LRBA: variants seen among roughly 807,000 people sequenced by gnomAD.
The protein encoded by LRBA is LPS responsive beige-like anchor protein.
A neutral mutation model predicts 330.0 loss-of-function variants in LRBA; 176 were observed. The observed-to-expected ratio is 0.53, with a 90% CI of 0.47 to 0.60. LRBA has a LOEUF of 0.60. Among genes scored for constraint, LRBA ranks in the 20% least tolerant of loss-of-function variants. The probability of loss-of-function intolerance (pLI) is 0.00; values close to 1 mark genes in which losing one functional copy is unlikely to be tolerated. For missense variants in LRBA, 3,259 were observed against 3,444.8 expected, an observed-to-expected ratio of 0.95 and a Z score of 1.35; for synonymous variants, 1,230 against 1,193.0, an observed-to-expected ratio of 1.03 and a Z score of -0.64.
At chr4:150,665,521 T>C (rs1781486866) in intron 37 of LRBA, among the ~76,000 whole-genome samples, 1 of 151,946 alleles carries the variant, frequency 6.6e-6, no homozygotes, top group East Asian at 1.9e-4. Flanking sequence ...ACAGAACAGC[T>C]CCATCATGCC....
intron 40 of LRBA, among the ~76,000 whole-genome samples, chr4:150,555,008 T>A (rs897197513): frequency 2.0e-5 from 3 of 152,164 alleles, no homozygotes; most frequent in Non-Finnish European, 4.4e-5. Context: ...AAGGATACGA[T>A]AGTTGTAAGG....
intron 40 of LRBA, among the ~76,000 whole-genome samples, chr4:150,534,503 G>A (rs947508177): frequency 2.0e-5 from 3 of 151,712 alleles, no homozygotes; most frequent in African/African-American, 7.2e-5. Flanking sequence ...GTCATGTTAG[G>A]CATGAATTAC....
intron 35 of LRBA, among the ~76,000 whole-genome samples, chr4:150,736,465 T>C (rs1267912601): frequency 2.6e-5 from 4 of 151,696 alleles, no homozygotes; most frequent in South Asian, 2.1e-4. Context: ...AATAAATAAA[T>C]ATAAAAATAG....
intron 48 of LRBA, among the ~76,000 whole-genome samples, chr4:150,331,236 T>C (rs1044323657): frequency 6.6e-6 from 1 of 152,094 alleles, no homozygotes; most frequent in Non-Finnish European, 1.5e-5. Context: ...CAGCCCTCTA[T>C]ATAGAGCAAT....
At chr4:150,576,688 T>C (rs1770587402) in intron 40 of LRBA, among the ~76,000 whole-genome samples, 1 of 151,896 alleles carries the variant, frequency 6.6e-6, no homozygotes, top group African/African-American at 2.4e-5. Context: ...AGAATTATAT[T>C]TGTAAAGTCT....
chr4:150,608,932 T>C (rs1160212269), intron 37 of LRBA, among the ~76,000 whole-genome samples: 1 of 152,252 alleles, frequency 6.6e-6, no homozygotes, highest in Non-Finnish European at 1.5e-5. Context: ...CACATATTGG[T>C]AGCTCATTCT....
intron 40 of LRBA, among the ~76,000 whole-genome samples, chr4:150,546,383 T>C (rs1765863629): frequency 1.3e-5 from 2 of 152,236 alleles, no homozygotes; most frequent in Non-Finnish European, 2.9e-5. Context: ...TGGATTTTTA[T>C]TAGCGCTGCC....
At chr4:150,818,571 C>T (rs546700010) in intron 30 of LRBA, among the ~76,000 whole-genome samples, 8 of 102,594 alleles carry the variant, frequency 7.8e-5, no homozygotes, top group Non-Finnish European at 1.7e-4. Flanking sequence ...TGTGCGTGCA[C>T]GAATGTGTGT....
intron 36 of LRBA, among the ~76,000 whole-genome samples, chr4:150,730,893 C>T (rs1730364910): frequency 6.6e-6 from 1 of 151,692 alleles, no homozygotes; most frequent in Non-Finnish European, 1.5e-5. Flanking sequence ...TGGCACAGGC[C>T]TGTAATCCCA....
At chr4:150,640,853 T>C (rs1778607397) in intron 37 of LRBA, among the ~76,000 whole-genome samples, 1 of 152,194 alleles carries the variant, frequency 6.6e-6, no homozygotes, top group South Asian at 2.1e-4. Flanking sequence ...CCTACTATCC[T>C]ACAGAAAAAT....
chr4:150,517,726 A>T (rs998038140), intron 40 of LRBA, among the ~76,000 whole-genome samples: 1 of 152,184 alleles, frequency 6.6e-6, no homozygotes, highest in African/African-American at 2.4e-5. Flanking sequence ...CATTATTTCT[A>T]AATTTTTTTC....
At chr4:150,448,362 C>T (rs1414328209) in intron 44 of LRBA, among the ~76,000 whole-genome samples, 2 of 152,148 alleles carry the variant, frequency 1.3e-5, no homozygotes, top group African/African-American at 4.8e-5. Flanking sequence ...AAGTTGATAA[C>T]CATTTTTGTA....
chr4:150,613,585 G>A (rs1264242227), intron 37 of LRBA, among the ~76,000 whole-genome samples: 2 of 152,212 alleles, frequency 1.3e-5, no homozygotes, highest in African/African-American at 2.4e-5. Flanking sequence ...AATCATTTTA[G>A]GAGTCTGGCT....
chr4:150,589,533 A>C (rs889251645), intron 39 of LRBA, among the ~76,000 whole-genome samples: 2 of 152,200 alleles, frequency 1.3e-5, no homozygotes, highest in African/African-American at 4.8e-5. Context: ...GTACATTAGC[A>C]TGTAATACTG....
intron 34 of LRBA, among the ~76,000 whole-genome samples, chr4:150,787,989 T>G (rs1560818085): frequency 6.6e-6 from 1 of 152,234 alleles, no homozygotes; most frequent in African/African-American, 2.4e-5. Context: ...ATGGTAGCTG[T>G]ATTTTTAGTT....
chr4:150,875,274 C>G (rs577494693), intron 17 of LRBA, among the ~76,000 whole-genome samples: 1 of 152,272 alleles, frequency 6.6e-6, no homozygotes, highest in East Asian at 1.9e-4. Flanking sequence ...GTAGGAGACC[C>G]TCTCCATTTC....
intron 35 of LRBA, among the ~76,000 whole-genome samples, chr4:150,747,806 CCTCT>C (rs1732958728): frequency 6.6e-6 from 1 of 152,084 alleles, no homozygotes; most frequent in South Asian, 2.1e-4. Flanking sequence ...TTCTTTCCTC[CCTCT>C]AAATTATTTC....
chr4:150,825,355 G>A (rs1318517160), intron 30 of LRBA, among the ~76,000 whole-genome samples: 7 of 151,966 alleles, frequency 4.6e-5, no homozygotes, highest in Non-Finnish European at 7.4e-5. Flanking sequence ...CTCAGAGCAC[G>A]CAGTTCATCT....
chr4:150,493,159 T>G (rs1458981280), intron 40 of LRBA, among the ~76,000 whole-genome samples: 1 of 152,048 alleles, frequency 6.6e-6, no homozygotes, highest in Non-Finnish European at 1.5e-5. Context: ...TTTTAACAAT[T>G]TTTTTGTAGA....
Sources: gnomAD v4.1 joint callset for allele counts (sites outside exome capture counted in the v4.1 genomes callset) on GRCh38, gnomAD v4.1.1 for gene constraint, MANE v1.5 for transcripts, NCBI Gene and HGNC (gene_info 2026-07-23, HGNC 2026-07-21) for gene names.